SPOCK3: variants seen among roughly 807,000 people sequenced by gnomAD.
The protein encoded by SPOCK3 is testican-3.
In SPOCK3, 30 loss-of-function variants were observed where a neutral mutation model predicts 56.6. The observed-to-expected ratio is 0.53, with a 90% CI of 0.40 to 0.72. The LOEUF (loss-of-function observed/expected upper bound fraction) is 0.72. Among genes scored for constraint, SPOCK3 ranks in the 30% least tolerant of loss-of-function variants. SPOCK3 has a pLI of 0.00. For missense variants in SPOCK3, 527 were observed against 530.0 expected, an observed-to-expected ratio of 0.99 and a Z score of 0.06; for synonymous variants, 196 against 183.3, an observed-to-expected ratio of 1.07 and a Z score of -0.56.
At chr4:167,053,895 G>A (rs1264270130) in intron 3 of SPOCK3, among the ~76,000 whole-genome samples, 3 of 151,996 alleles carry the variant, frequency 2.0e-5, no homozygotes, top group Admixed American at 6.6e-5. Flanking sequence ...ACGTGGAGGA[G>A]CAGGAGAAAC....
chr4:167,178,776 C>T (rs1001190016), intron 2 of SPOCK3, among the ~76,000 whole-genome samples: 1 of 151,782 alleles, frequency 6.6e-6, no homozygotes, highest in Non-Finnish European at 1.5e-5. Context: ...GGATAAAAAC[C>T]ATGATTTCAT....
intron 3 of SPOCK3, among the ~76,000 whole-genome samples, chr4:167,005,354 C>T (rs374547945): frequency 3.3e-5 from 5 of 151,898 alleles, no homozygotes; most frequent in African/African-American, 9.7e-5. Context: ...GGACTACAGG[C>T]GCCCACCACC....
intron 6 of SPOCK3, among the ~76,000 whole-genome samples, chr4:166,869,917 G>T (rs1732281241): frequency 6.6e-6 from 1 of 151,994 alleles, no homozygotes; most frequent in South Asian, 2.1e-4. Flanking sequence ...AATTGCTGGA[G>T]GCTGAGTGTG....
chr4:166,753,468 T>G (rs974479902), intron 8 of SPOCK3, among the ~76,000 whole-genome samples: 1 of 152,020 alleles, frequency 6.6e-6, no homozygotes, highest in African/African-American at 2.4e-5. Context: ...GGTTTATTAA[T>G]AGTTAAGTTA....
At chr4:167,105,343 GTTGT>G (rs954279382) in intron 2 of SPOCK3, among the ~76,000 whole-genome samples, 2 of 151,066 alleles carry the variant, frequency 1.3e-5, no homozygotes, top group African/African-American at 4.9e-5. Context: ...TTTCTGTTTG[GTTGT>G]TTGTTTATGC....
intron 2 of SPOCK3, among the ~76,000 whole-genome samples, chr4:167,132,576 C>G (rs947614546): frequency 1.3e-5 from 2 of 152,160 alleles, no homozygotes; most frequent in Non-Finnish European, 2.9e-5. Context: ...ATATTGCTTT[C>G]ATTTGGCTAC....
intron 4 of SPOCK3, among the ~76,000 whole-genome samples, chr4:166,921,049 G>A (rs996248022): frequency 1.3e-5 from 2 of 152,104 alleles, no homozygotes; most frequent in Non-Finnish European, 2.9e-5. Context: ...ATTGGGAAAG[G>A]AAAGTTGCAG....
chr4:167,011,371 A>G, intron 3 of SPOCK3: 1 of 449,928 alleles, frequency 2.2e-6, no homozygotes, highest in Non-Finnish European at 4.5e-6. Flanking sequence ...CCTCTCTAAA[A>G]TACTTTCCTT....
At chr4:167,164,639 T>C (rs114237989) in intron 2 of SPOCK3, among the ~76,000 whole-genome samples, 4,645 of 151,818 alleles carry the variant, frequency 0.031, 113 homozygotes, top group Middle Eastern at 0.075. Flanking sequence ...CCCCTCCCTG[T>C]GTCCATGTCT....
chr4:167,085,221 T>C (rs1329750937), intron 2 of SPOCK3, among the ~76,000 whole-genome samples: 1 of 148,660 alleles, frequency 6.7e-6, no homozygotes, highest in African/African-American at 2.5e-5. Flanking sequence ...ACTATAGGAA[T>C]TTGAGATGCT....
intron 6 of SPOCK3, among the ~76,000 whole-genome samples, chr4:166,844,464 C>T (rs76029788): frequency 0.013 from 1,947 of 152,204 alleles, 28 homozygotes; most frequent in Middle Eastern, 0.037. Context: ...ATGCAATTAA[C>T]AATTAAATCA....
chr4:167,166,180 T>C (rs1158185295), intron 2 of SPOCK3, among the ~76,000 whole-genome samples: 1 of 152,080 alleles, frequency 6.6e-6, no homozygotes, highest in African/African-American at 2.4e-5. Flanking sequence ...TTTCCTTTGA[T>C]ATTGTAGAGA....
intron 5 of SPOCK3, among the ~76,000 whole-genome samples, chr4:166,910,475 A>G (rs1450789974): frequency 6.6e-6 from 1 of 152,180 alleles, no homozygotes; most frequent in Non-Finnish European, 1.5e-5. Context: ...AAACCCCATG[A>G]AATTGAAGAT....
chr4:166,769,153 A>G (rs1738565384), intron 7 of SPOCK3, among the ~76,000 whole-genome samples: 1 of 152,082 alleles, frequency 6.6e-6, no homozygotes. Flanking sequence ...TAGCTCGGAG[A>G]AGTTTGAGTG....
chr4:166,774,844 CCTT>C (rs1560843816), intron 7 of SPOCK3, among the ~76,000 whole-genome samples: 1 of 152,174 alleles, frequency 6.6e-6, no homozygotes. Context: ...TCCAAAGAAA[CCTT>C]CTTCACAAAT....
chr4:167,141,160 T>C (rs1349733314), intron 2 of SPOCK3, among the ~76,000 whole-genome samples: 2 of 151,860 alleles, frequency 1.3e-5, no homozygotes, highest in Non-Finnish European at 1.5e-5. Flanking sequence ...TCAGCCCCAA[T>C]TACACCAGGA....
chr4:166,878,227 C>T (rs967086152), intron 6 of SPOCK3, among the ~76,000 whole-genome samples: 1 of 151,978 alleles, frequency 6.6e-6, no homozygotes, highest in Non-Finnish European at 1.5e-5. Flanking sequence ...TGCAGTGGGC[C>T]GAGATCACGC....
intron 2 of SPOCK3, among the ~76,000 whole-genome samples, chr4:167,144,629 A>C (rs1763788655): frequency 6.6e-6 from 1 of 151,918 alleles, no homozygotes; most frequent in Non-Finnish European, 1.5e-5. Flanking sequence ...AGAAAGTAGG[A>C]AAGATAAATA....
At chr4:167,129,403 G>A (rs893098889) in intron 2 of SPOCK3, among the ~76,000 whole-genome samples, 2 of 152,166 alleles carry the variant, frequency 1.3e-5, no homozygotes, top group Admixed American at 6.5e-5. Context: ...CTGGTGCCCT[G>A]TCTCCAGAAT....
Sources: allele counts gnomAD v4.1 joint callset (sites outside exome capture counted in the v4.1 genomes callset), GRCh38; gene constraint gnomAD v4.1.1; transcripts MANE v1.5; gene names NCBI Gene and HGNC (gene_info 2026-07-23, HGNC 2026-07-21).